The following IFT81 variants were observed in gnomAD, a reference collection of about 807,000 sequenced individuals.
IFT81 encodes the protein intraflagellar transport 81.
A neutral mutation model predicts 102.6 loss-of-function variants in IFT81; 72 were observed. The observed-to-expected ratio is 0.70, with a 90% CI of 0.58 to 0.85. The LOEUF (loss-of-function observed/expected upper bound fraction) is 0.85, where lower values mean the gene tolerates loss of function less well. Among genes scored for constraint, IFT81 ranks in the 40% least tolerant of loss-of-function variants. The probability of loss-of-function intolerance (pLI) is 0.00; values close to 1 mark genes in which losing one functional copy is unlikely to be tolerated. For synonymous variants in IFT81, 237 were observed against 242.7 expected, an observed-to-expected ratio of 0.98 and a Z score of 0.22; for missense variants, 723 against 787.3, an observed-to-expected ratio of 0.92 and a Z score of 0.98.
chr12:110,149,643 T>C (rs1219071029), intron 10 of IFT81, among the ~76,000 whole-genome samples: 1 of 152,196 alleles, frequency 6.6e-6, no homozygotes, highest in African/African-American at 2.4e-5. Context: ...TGGTTTTCCC[T>C]TGGAGTCAGG....
chr12:110,206,577 A>C (rs1218428566), intron 17 of IFT81, among the ~76,000 whole-genome samples: 1 of 151,778 alleles, frequency 6.6e-6, no homozygotes, highest in Non-Finnish European at 1.5e-5. Context: ...TAGGAGGCCG[A>C]GGCGTGGGAA....
chr12:110,192,695 C>T lies in IFT81; in HGVS notation c.1546C>T (p.Gln516Ter). The T allele has an allele frequency of 6.4e-7, 1 of 1,556,174 alleles. No homozygotes were observed. The highest frequency in any genetic ancestry group is 8.7e-7 in the Non-Finnish European group (1 of 1,143,110). Residue 516 changes from glutamine to a stop codon, truncating the protein, a stop_gained, in exon 14 of 19, where the codon CAA (glutamine) becomes TAA (stop). Coordinates refer to ENST00000242591, the MANE Select transcript of IFT81 (RefSeq NM_014055.4). LOFTEE classifies it high-confidence loss of function. ...TATAAAAGAGCTACGACAGTTGCGT[C>T]AAAAATATCAAGTAAGTTTTTGATT... ...SVIKELRQLRQKYQELTQECD... is the reference protein window; with the variant it reads ...SVIKELRQLR
chr12:110,134,653 T>C (rs1380192759), intron 5 of IFT81, among the ~76,000 whole-genome samples: 1 of 152,238 alleles, frequency 6.6e-6, no homozygotes, highest in Non-Finnish European at 1.5e-5. Flanking sequence ...TCAAAAATCA[T>C]GTGCCCATAT....
intron 10 of IFT81, among the ~76,000 whole-genome samples, chr12:110,158,268 A>G (rs1163701628): frequency 6.6e-6 from 1 of 151,980 alleles, no homozygotes; most frequent in African/African-American, 2.4e-5. Context: ...TTTAGTAGAG[A>G]CAGGTTTCAC....
chr12:110,167,919 A>T (rs1356099502), intron 11 of IFT81: 4 of 242,416 alleles, frequency 1.7e-5, no homozygotes, highest in East Asian at 3.0e-4. Context: ...TGGTGTGATC[A>T]TGGCTTACTG....
chr12:110,149,198 T>G (rs1895385545), intron 10 of IFT81, among the ~76,000 whole-genome samples: 1 of 152,238 alleles, frequency 6.6e-6, no homozygotes, highest in Admixed American at 6.5e-5. Context: ...GGCTTTCTTC[T>G]ATGAACCTGG....
At chr12:110,201,507 T>G (rs1258423037) in intron 14 of IFT81, among the ~76,000 whole-genome samples, 1 of 152,090 alleles carries the variant, frequency 6.6e-6, no homozygotes. Flanking sequence ...CATGGCTCAC[T>G]GCAGCCTCAA....
intron 8 of IFT81, among the ~76,000 whole-genome samples, chr12:110,138,680 G>A (rs991923413): frequency 2.6e-5 from 4 of 152,156 alleles, no homozygotes; most frequent in Non-Finnish European, 4.4e-5. Context: ...TGATCCACCC[G>A]CCTCAGCCTC....
chr12:110,189,441 CG>C (rs1009940784), intron 12 of IFT81, among the ~76,000 whole-genome samples: 8 of 152,036 alleles, frequency 5.3e-5, no homozygotes, highest in African/African-American at 1.9e-4. Flanking sequence ...CTCCACCTCC[CG>C]GGTTCAAGTG....
Position 110,136,795 on chromosome 12 carries a change from G to C in IFT81, c.716G>C (p.Arg239Thr), listed in dbSNP as rs758023370. The C allele has an allele frequency of 6.2e-7, 1 of 1,611,140 alleles. No individual in the cohort carries two copies. The highest frequency in any genetic ancestry group is 8.5e-7 in the Non-Finnish European group (1 of 1,177,868). ...TTAAAGCTATTTCATGCAGTGCAAA[G>C]ATTGCAAAGAGTACAAAACCAGCTG... Reference protein sequence around the residue: ...QKNQLFHAVQRLQRVQNQLKS... With the variant: ...QKNQLFHAVQTLQRVQNQLKS... The change falls in exon 8 of 19, where the codon AGA (arginine) becomes ACA (threonine). Residue 239 changes from arginine (R) to threonine (T), a missense_variant. Transcript: ENST00000242591.
intron 10 of IFT81, among the ~76,000 whole-genome samples, chr12:110,148,763 G>A (rs1242253427): frequency 3.3e-5 from 5 of 152,070 alleles, no homozygotes; most frequent in Admixed American, 2.0e-4. Flanking sequence ...GTGAGCCACC[G>A]TGCCTGGCCC....
At chr12:110,152,249 A>C (rs961300751) in intron 10 of IFT81, among the ~76,000 whole-genome samples, 67 of 152,174 alleles carry the variant, frequency 4.4e-4, no homozygotes, top group African/African-American at 1.4e-3. Flanking sequence ...TATAATGGCT[A>C]TACTAATTTA....
intron 8 of IFT81, among the ~76,000 whole-genome samples, chr12:110,139,866 T>TAAAATAAAATAAAATAAAATAAA (rs1477964163): frequency 3.1e-5 from 4 of 130,092 alleles, no homozygotes; most frequent in Admixed American, 7.9e-5. Flanking sequence ...TAAAATAAAA[T>TAAAATAAAATAAAATAAAATAAA]ATAAAATAAA....
intron 4 of IFT81, 123 bp downstream of exon 4, chr12:110,129,253 CTG>C: frequency 1.5e-6 from 1 of 666,960 alleles, no homozygotes; most frequent in Non-Finnish European, 2.4e-6. Context: ...GAAGATAAAA[CTG>C]TATCAGCTAA....
At chr12:110,202,911 G>A (rs956757470) in intron 14 of IFT81, among the ~76,000 whole-genome samples, 12 of 152,068 alleles carry the variant, frequency 7.9e-5, no homozygotes, top group Admixed American at 5.2e-4. Flanking sequence ...AATGTTTTAC[G>A]AAGTTCTTCT....
intron 17 of IFT81, among the ~76,000 whole-genome samples, chr12:110,208,395 A>G (rs530402297): frequency 6.6e-6 from 1 of 152,254 alleles, no homozygotes; most frequent in Admixed American, 6.5e-5. Flanking sequence ...TAATCCCAGT[A>G]TCTGGGAGGC....
At chr12:110,166,851 G>A (rs1396636415) in intron 11 of IFT81, among the ~76,000 whole-genome samples, 1 of 151,758 alleles carries the variant, frequency 6.6e-6, no homozygotes, top group East Asian at 1.9e-4. Flanking sequence ...GAAATTATAT[G>A]ACAGCCATTT....
At chr12:110,162,892 A>G in intron 10 of IFT81, 27 bp from the exon 11 acceptor site, 1 of 1,563,714 alleles carries the variant, frequency 6.4e-7, no homozygotes, top group Non-Finnish European at 8.7e-7. Flanking sequence ...ATATCTTATT[A>G]TACCTTCATA....
At chr12:110,189,612 G>A (rs1164462150) in intron 12 of IFT81, among the ~76,000 whole-genome samples, 2 of 152,170 alleles carry the variant, frequency 1.3e-5, no homozygotes, top group Non-Finnish European at 2.9e-5. Context: ...GCCTCCCAAA[G>A]TAGTGGGATT....
Sources: gnomAD v4.1 joint callset for allele counts (sites outside exome capture counted in the v4.1 genomes callset) on GRCh38, gnomAD v4.1.1 for gene constraint, MANE v1.5 for transcripts, NCBI Gene and HGNC (gene_info 2026-07-23, HGNC 2026-07-21) for gene names.